Variants in SIL1 observed in about 807,000 individuals in gnomAD.
SIL1 encodes nucleotide exchange factor SIL1.
SIL1 carries 40 observed loss-of-function variants against 49.1 expected under a neutral mutation model. That is an observed-to-expected ratio of 0.81 (90% CI 0.63 to 1.06). The LOEUF is 1.06. Ranked by LOEUF, SIL1 falls within the 50% of genes least tolerant of loss-of-function variation. The pLI, the probability that SIL1 is intolerant of heterozygous loss-of-function variation, is 0.00. For missense variants in SIL1, 500 were observed against 572.6 expected (o/e 0.87, Z 1.29); for synonymous variants, 253 against 250.8 (o/e 1.01, Z -0.08).
intron 1 of SIL1, among the ~76,000 whole-genome samples, chr5:139,152,334 G>T (rs1444265642): frequency 6.6e-6 from 1 of 152,074 alleles, no homozygotes; most frequent in Non-Finnish European, 1.5e-5. Context: ...GAATGTAGAG[G>T]GATTGGCCAG....
intron 7 of SIL1, among the ~76,000 whole-genome samples, chr5:139,008,943 T>C (rs1768186689): frequency 6.6e-6 from 1 of 151,118 alleles, no homozygotes; most frequent in South Asian, 2.1e-4. Context: ...ATTCTGTTGA[T>C]TTGGGGTGGA....
At chr5:139,066,477 T>C (rs185491563) in intron 3 of SIL1, among the ~76,000 whole-genome samples, 3 of 150,860 alleles carry the variant, frequency 2.0e-5, no homozygotes, top group African/African-American at 4.9e-5. Context: ...CATTTTTTAA[T>C]AGGCTAGCTT....
At chr5:139,135,724 A>C (rs934080010) in intron 1 of SIL1, among the ~76,000 whole-genome samples, 1 of 152,076 alleles carries the variant, frequency 6.6e-6, no homozygotes, top group Non-Finnish European at 1.5e-5. Context: ...AAAAAAAAAA[A>C]AAACTGCAAT....
At chr5:138,998,018 G>A (rs944293597) in intron 7 of SIL1, among the ~76,000 whole-genome samples, 4 of 152,128 alleles carry the variant, frequency 2.6e-5, no homozygotes, top group African/African-American at 9.7e-5. Flanking sequence ...TTTTGATAGG[G>A]ATTGCATTGA....
rs573826111 is a variant in SIL1, at chr5:139,144,051, G to A, written c.-10-16198C>T. Among the ~76,000 whole-genome samples, 236 of 152,336 alleles carry A rather than the reference G, an allele frequency of 1.5e-3. 1 individual carries two copies. Among genetic ancestry groups the A allele is most frequent in the Non-Finnish European group, 2.6e-3 (178 of 68,032 alleles). On this transcript the variant is annotated intron_variant, in intron 1 of 9. Transcript: ENST00000394817. ...GTATTACCCAAAGCAATACGCAGATGCAACGCAATCCCTTTCAAAATTCCA... is the reference window on the plus strand; with the variant it reads ...GTATTACCCAAAGCAATACGCAGATACAACGCAATCCCTTTCAAAATTCCA...
rs1433835621 is a variant in SIL1, at chr5:139,161,627, A to C, written c.-10-33774T>G. Reference sequence around the variant, plus strand: ...CTTAAGAACCAGGTCTTTGAGCACCAATAACATTTAGGACTCAAACGTTTT... The same window carrying C: ...CTTAAGAACCAGGTCTTTGAGCACCCATAACATTTAGGACTCAAACGTTTT... On this transcript the variant is annotated intron_variant, in intron 1 of 9. Transcript: ENST00000394817. Among the ~76,000 whole-genome samples, 3 of 152,320 alleles carry C rather than the reference A, an allele frequency of 2.0e-5. No homozygotes were observed. The East Asian group carries it at 5.8e-4, about 29-fold the overall frequency.
chr5:139,110,733 C>T (rs1770822214), intron 3 of SIL1, among the ~76,000 whole-genome samples: 1 of 152,214 alleles, frequency 6.6e-6, no homozygotes, highest in African/African-American at 2.4e-5. Flanking sequence ...CACCCCCACC[C>T]TGCCCTGTGC....
chr5:139,002,833 T>C (rs940466185), intron 7 of SIL1, among the ~76,000 whole-genome samples: 1 of 152,218 alleles, frequency 6.6e-6, no homozygotes, highest in East Asian at 1.9e-4. Context: ...AGTTTGATTC[T>C]GATGCTATAT....
intron 7 of SIL1, among the ~76,000 whole-genome samples, chr5:139,008,598 T>C (rs1316527253): frequency 6.8e-6 from 1 of 147,614 alleles, no homozygotes; most frequent in Non-Finnish European, 1.5e-5. Flanking sequence ...TGTGGGCATT[T>C]AGTGCTATAA....
chr5:139,182,716 G>A (rs967901309), intron 1 of SIL1, among the ~76,000 whole-genome samples: 3 of 152,144 alleles, frequency 2.0e-5, no homozygotes, highest in Non-Finnish European at 4.4e-5. Context: ...AAACAAGTGA[G>A]ACAAAACATT....
chr5:139,015,874 A>G (rs1020892653), intron 7 of SIL1, among the ~76,000 whole-genome samples: 4 of 152,186 alleles, frequency 2.6e-5, no homozygotes, highest in Non-Finnish European at 4.4e-5. Context: ...TGGGGAAGGG[A>G]ATCTTCTGCC....
At chr5:139,041,121 T>A (rs1371002997) in intron 5 of SIL1, among the ~76,000 whole-genome samples, 5 of 152,228 alleles carry the variant, frequency 3.3e-5, no homozygotes, top group African/African-American at 1.2e-4. Context: ...TCTGCTGGCC[T>A]CACCTGTACC....
intron 7 of SIL1, among the ~76,000 whole-genome samples, chr5:139,004,076 G>A (rs982964303): frequency 2.0e-5 from 3 of 152,102 alleles, no homozygotes; most frequent in African/African-American, 7.2e-5. Context: ...AAGCAACTAG[G>A]CTAAGAATAC....
chr5:139,093,062 G>A (rs1014779069), intron 3 of SIL1, among the ~76,000 whole-genome samples: 1 of 152,162 alleles, frequency 6.6e-6, no homozygotes, highest in African/African-American at 2.4e-5. Context: ...ATGGAAGGCT[G>A]AAACGCGAGG....
In SIL1 at chr5:138,952,390, T is replaced by C. The variant is rs1388562743; in HGVS notation, c.768-506A>G. Among the ~76,000 whole-genome samples the C allele has an allele frequency of 3.3e-5, 5 of 152,172 alleles. No homozygotes were observed. The East Asian group carries it at 5.8e-4, about 18-fold the overall frequency. On this transcript the variant is annotated intron_variant, in intron 7 of 9. Coordinates refer to ENST00000394817, the MANE Select transcript of SIL1 (RefSeq NM_022464.5). ...CCTGGGTCGGCACTCAGACTGCACA[T>C]AGAAAATGCTTGCGGGAGAAGGCAG...
chr5:139,191,583 A>G (rs1399450603), intron 1 of SIL1, among the ~76,000 whole-genome samples: 1 of 151,962 alleles, frequency 6.6e-6, no homozygotes, highest in Non-Finnish European at 1.5e-5. Context: ...ATTTAAGATC[A>G]GCCTGGGCAA....
chr5:139,161,111 C>T (rs550477041), intron 1 of SIL1, among the ~76,000 whole-genome samples: 226 of 151,976 alleles, frequency 1.5e-3, no homozygotes, highest in Middle Eastern at 6.8e-3. Context: ...GGCATGGTGG[C>T]GCATGCCTGT....
chr5:139,183,207 A>G (rs1030014920), intron 1 of SIL1, among the ~76,000 whole-genome samples: 2 of 152,064 alleles, frequency 1.3e-5, no homozygotes, highest in Non-Finnish European at 2.9e-5. Flanking sequence ...CCTAAGCATG[A>G]CCTCTACATG....
intron 5 of SIL1, among the ~76,000 whole-genome samples, chr5:139,036,980 T>C (rs985376072): frequency 6.6e-6 from 1 of 152,214 alleles, no homozygotes; most frequent in Non-Finnish European, 1.5e-5. Context: ...TCTTTTTTCA[T>C]TCTATTTGGA....
Sources: allele counts gnomAD v4.1 joint callset (sites outside exome capture counted in the v4.1 genomes callset), GRCh38; gene constraint gnomAD v4.1.1; transcripts MANE v1.5; gene names NCBI Gene and HGNC (gene_info 2026-07-23, HGNC 2026-07-21).